Variants in SHROOM4 observed in about 807,000 individuals in gnomAD.
The protein encoded by SHROOM4 is protein Shroom4.
A neutral mutation model predicts 80.3 loss-of-function variants in SHROOM4; 17 were observed. The observed-to-expected ratio is 0.21, with a 90% CI of 0.14 to 0.32. The LOEUF (loss-of-function observed/expected upper bound fraction) is 0.32. SHROOM4 is among the 10% of genes least tolerant of loss of function. The pLI is 1.00. For synonymous variants in SHROOM4, 400 were observed against 437.5 expected, an observed-to-expected ratio of 0.91 and a Z score of 1.07; for missense variants, 993 against 1,140.3, an observed-to-expected ratio of 0.87 and a Z score of 1.86.
At chrX:50,734,466 T>A (rs1289986393) in intron 1 of SHROOM4, among the ~76,000 whole-genome samples, 1 of 111,256 alleles carries the variant, frequency 9.0e-6, no homozygotes, top group African/African-American at 3.3e-5. Flanking sequence ...CAGGCTGGAG[T>A]GCAGTGGTGC....
intron 1 of SHROOM4, among the ~76,000 whole-genome samples, chrX:50,781,533 T>A (rs1291211137): frequency 9.1e-6 from 1 of 109,975 alleles, no homozygotes; most frequent in Non-Finnish European, 1.9e-5. Flanking sequence ...AATTATAAGA[T>A]AATTAATGCC....
At chrX:50,712,752 G>A (rs1354171227) in intron 1 of SHROOM4, among the ~76,000 whole-genome samples, 2 of 111,544 alleles carry the variant, frequency 1.8e-5, no homozygotes, top group African/African-American at 6.5e-5. Context: ...CCAGCTCTGG[G>A]ATGACTCCCC....
At position 50,638,324 on chromosome X, in the gene SHROOM4, G is replaced by A; in HGVS notation, c.270-16C>T. On this transcript the variant is annotated splice_polypyrimidine_tract_variant and intron_variant, in intron 2 of 8. Coordinates refer to ENST00000376020, the MANE Select transcript of SHROOM4 (RefSeq NM_020717.5). Reference sequence around the variant, plus strand: ...GGCGTTCCTCCTACAGCAAGAAAGGGACAGGAAGTGGGCTGAAGGAACCAG... The same window carrying A: ...GGCGTTCCTCCTACAGCAAGAAAGGAACAGGAAGTGGGCTGAAGGAACCAG... 8.3e-7 allele frequency: 1 copy of A among 1,211,416 alleles called. No individual in the cohort carries two copies. Among genetic ancestry groups the A allele is most frequent in the Non-Finnish European group, 1.1e-6 (1 of 895,210 alleles).
chrX:50,713,469 A>AT lies in SHROOM4; in HGVS notation c.118-17533dup, dbSNP rs377307310. Among the ~76,000 whole-genome samples the AT allele has an allele frequency of 4.6e-3, 498 of 107,249 alleles. 5 individuals are homozygous for AT. Among genetic ancestry groups the AT allele is most frequent in the African/African-American group, 0.016 (477 of 29,397 alleles). The allele number at this position is 107,249 out of a possible 115,157, so 93.1% of individuals were successfully genotyped here. The stretch of plus-strand genomic sequence containing the variant: ...AACATAGGGAGGCCCTGTCTCTAAA[A>AT]TTTTTTTTTTAATTAGCTGGGCATG... On this transcript the variant is annotated intron_variant, in intron 1 of 8. Coordinates refer to ENST00000376020, the MANE Select transcript of SHROOM4 (RefSeq NM_020717.5).
At chrX:50,675,527 T>C (rs1695230559) in intron 2 of SHROOM4, among the ~76,000 whole-genome samples, 1 of 110,850 alleles carries the variant, frequency 9.0e-6, no homozygotes, top group Non-Finnish European at 1.9e-5. Flanking sequence ...GGAGAGGGCA[T>C]TCTTGTTTCT....
Position 50,596,970 on chromosome X carries a change from G to T in SHROOM4, c.4213-6C>A. The T allele has an allele frequency of 8.3e-7, 1 of 1,207,844 alleles. No individual in the cohort carries two copies. On this transcript the variant is annotated splice_polypyrimidine_tract_variant and splice_region_variant and intron_variant, in intron 8 of 8. Coordinates refer to ENST00000376020, the MANE Select transcript of SHROOM4 (RefSeq NM_020717.5). The stretch of plus-strand genomic sequence containing the variant: ...TTCTTCTCTATCAGTACCAACTGGG[G>T]AAGCAGAGGACCAAGTAAGGGCTCT...
intron 1 of SHROOM4, among the ~76,000 whole-genome samples, chrX:50,706,277 T>C (rs782665580): frequency 5.5e-4 from 62 of 111,902 alleles, no homozygotes; most frequent in African/African-American, 2.0e-3. Flanking sequence ...TTACCTGTCT[T>C]ATTGTCTTCA....
intron 2 of SHROOM4, among the ~76,000 whole-genome samples, chrX:50,648,887 A>C (rs1931938722): frequency 8.9e-6 from 1 of 112,467 alleles, no homozygotes; most frequent in Non-Finnish European, 1.9e-5. Flanking sequence ...AGCCCTTGGA[A>C]GTTCCAGAGT....
At chrX:50,627,483 T>C (rs1557253278) in intron 5 of SHROOM4, 131 bp downstream of exon 5, 4 of 586,609 alleles carry the variant, frequency 6.8e-6, no homozygotes, top group Non-Finnish European at 8.8e-6. Flanking sequence ...ATTATATCTA[T>C]GGTATCAAGC....
At chrX:50,766,046 C>G (rs1935268406) in intron 1 of SHROOM4, among the ~76,000 whole-genome samples, 1 of 111,433 alleles carries the variant, frequency 9.0e-6, no homozygotes, top group Admixed American at 9.6e-5. Flanking sequence ...TTTTGTCCAT[C>G]TCTGCCCCTA....
intron 1 of SHROOM4, among the ~76,000 whole-genome samples, chrX:50,741,834 C>A (rs1557267230): frequency 9.0e-6 from 1 of 110,875 alleles, no homozygotes; most frequent in Non-Finnish European, 1.9e-5. Context: ...TATATTACTT[C>A]ATCTAGTGAA....
chrX:50,748,094 T>C (rs1319396359), intron 1 of SHROOM4, among the ~76,000 whole-genome samples: 2 of 111,506 alleles, frequency 1.8e-5, no homozygotes, highest in African/African-American at 6.5e-5. Flanking sequence ...TCTCCTAGGA[T>C]AGAGTAGGTC....
At chrX:50,770,744 T>G (rs1935378757) in intron 1 of SHROOM4, among the ~76,000 whole-genome samples, 1 of 111,954 alleles carries the variant, frequency 8.9e-6, no homozygotes, top group Non-Finnish European at 1.9e-5. Context: ...ACCAGGCGTC[T>G]GCTCCTCTCC....
chrX:50,604,520 T>C (rs1381280900), intron 6 of SHROOM4, among the ~76,000 whole-genome samples: 1 of 111,945 alleles, frequency 8.9e-6, no homozygotes, highest in Admixed American at 9.5e-5. Context: ...GGAGTATATC[T>C]ATGTTAGCAG....
chrX:50,634,540 G>A lies in SHROOM4; in HGVS notation c.1533C>T (p.Asp511=), dbSNP rs1557255226. Residue 511 remains aspartate (D), a synonymous_variant, in exon 4 of 9, where the codon GAC becomes GAT. Transcript: ENST00000376020. The part of the protein sequence containing the change: ...DGHPSEKGFL[D]PNRTSRAASE... ...TGGCTGCTCTGCTTGTTCTGTTTGGGTCCAGGAAACCTTTTTCTGAGGGGT... is the reference window on the plus strand; with the variant it reads ...TGGCTGCTCTGCTTGTTCTGTTTGGATCCAGGAAACCTTTTTCTGAGGGGT... 1.7e-6 allele frequency: 2 copies of A among 1,211,734 alleles called. No individual in the cohort carries two copies. The highest frequency in any genetic ancestry group is 4.6e-4 in the Middle Eastern group (2 of 4,352).
chrX:50,611,139 T>TTTTTC (rs1929956974), intron 5 of SHROOM4, among the ~76,000 whole-genome samples: 1 of 90,393 alleles, frequency 1.1e-5, no homozygotes, highest in African/African-American at 4.5e-5. Flanking sequence ...ATATTTTCTT[T>TTTTTC]TTTTCTTTTT....
At chrX:50,642,162 A>T (rs1239718121) in intron 2 of SHROOM4, among the ~76,000 whole-genome samples, 1 of 112,581 alleles carries the variant, frequency 8.9e-6, no homozygotes, top group Non-Finnish European at 1.9e-5. Flanking sequence ...GTCAGTCTAC[A>T]CTTGCATTCA....
chrX:50,814,113 A>T lies in SHROOM4; in HGVS notation c.-95T>A, dbSNP rs782222533. The T allele has an allele frequency of 1.4e-4, 83 of 589,747 alleles. 1 individual carries two copies. In the South Asian group the frequency reaches 2.0e-3, roughly 14 times the overall value. The allele number at this position is 589,747 out of a possible 1,213,427, so 48.6% of individuals were successfully genotyped here. A position where few individuals can be genotyped will look rare whatever the true frequency, so the allele number is the denominator to read the frequency against. On this transcript the variant is annotated 5_prime_UTR_variant, in exon 1 of 9. Transcript: ENST00000376020. ...TCCGCCACCATCGCCCTCCAGCTCT[A>T]CGCCACCCCGCACCGCCCTGCTCCG... is the stretch of plus-strand genomic sequence containing the variant.
chrX:50,585,653 GTTC>G (rs1354351378), downstream of SHROOM4, among the ~76,000 whole-genome samples: 3 of 111,273 alleles, frequency 2.7e-5, no homozygotes, highest in Non-Finnish European at 5.7e-5. Flanking sequence ...CAGGGTGTTT[GTTC>G]TTCAGTTTAA....
Sources: allele counts gnomAD v4.1 joint callset (sites outside exome capture counted in the v4.1 genomes callset), GRCh38; gene constraint gnomAD v4.1.1; transcripts MANE v1.5; gene names NCBI Gene and HGNC (gene_info 2026-07-23, HGNC 2026-07-21).